Variants in ACTB observed in about 807,000 individuals in gnomAD.
The protein encoded by ACTB is actin beta, also known as actin, cytoplasmic 1.
In ACTB, 2 loss-of-function variants were observed where a neutral mutation model predicts 30.5. The observed-to-expected ratio is 0.07, with a 90% CI of 0.03 to 0.21. The LOEUF (loss-of-function observed/expected upper bound fraction) is 0.21. Ranked by LOEUF, ACTB falls within the 10% of genes least tolerant of loss-of-function variation. The probability of loss-of-function intolerance (pLI) is 1.00; values close to 1 mark genes in which losing one functional copy is unlikely to be tolerated. For synonymous variants in ACTB, 335 were observed against 217.6 expected, an observed-to-expected ratio of 1.54 and a Z score of -4.75; for missense variants, 56 against 530.0, an observed-to-expected ratio of 0.11 and a Z score of 8.78.
intron 3 of ACTB, 116 bp from the exon 4 acceptor site, chr7:5,528,835 T>C: frequency 1.4e-6 from 2 of 1,443,996 alleles, no homozygotes; most frequent in Middle Eastern, 1.8e-4. Flanking sequence ...GGTCTTGGGA[T>C]GGGGAGTCTG....
rs1468071211 is a variant in ACTB at position 5,529,074 on chromosome 7, A to G, written c.363+87T>C. The G allele has an allele frequency of 9.2e-5, 149 of 1,613,200 alleles. 1 individual carries two copies. Among genetic ancestry groups the G allele is most frequent in the South Asian group, 1.1e-5 (1 of 91,082 alleles). ...AGAAGAGAGTCCTACGGAAAACGGCAGAAGAGAGAACCAGTGAGAAAGGGC... is the reference window on the plus strand; with the variant it reads ...AGAAGAGAGTCCTACGGAAAACGGCGGAAGAGAGAACCAGTGAGAAAGGGC... On this transcript the variant is annotated intron_variant, in intron 3 of 5. Coordinates refer to ENST00000646664, the MANE Select transcript of ACTB (RefSeq NM_001101.5).
chr7:5,527,973 C>G lies in ACTB; in HGVS notation c.984+31G>C, dbSNP rs374997048. 4 of 1,613,166 alleles carry G rather than the reference C, an allele frequency of 2.5e-6. No individual in the cohort carries two copies. The Admixed American group carries it at 5.0e-5, about 20-fold the overall frequency. ...CCACAGGACCCCACAGCCGACCTGCCCAGGTCAGCTCAGGCAGGAAAGACA... is the reference window on the plus strand; with the variant it reads ...CCACAGGACCCCACAGCCGACCTGCGCAGGTCAGCTCAGGCAGGAAAGACA... On this transcript the variant is annotated intron_variant, in intron 5 of 5. Coordinates refer to ENST00000646664, the MANE Select transcript of ACTB (RefSeq NM_001101.5).
intron 1 of ACTB, 112 bp from the exon 2 acceptor site, chr7:5,529,775 A>T: frequency 6.5e-7 from 1 of 1,539,498 alleles, no homozygotes; most frequent in Non-Finnish European, 8.9e-7. Context: ...CAGATTGGGG[A>T]CAAAGGAAGC....
chr7:5,528,236 G>C, intron 4 of ACTB, 45 bp downstream of exon 4: 2 of 1,613,730 alleles, frequency 1.2e-6, no homozygotes. Flanking sequence ...AGCCCCGAGG[G>C]GTAACCCTCA....
chr7:5,528,024 G>GT lies in ACTB; in HGVS notation c.963dup (p.Pro322ThrfsTer13). ...CCCACCTTGATCTTCATTGTGCTGG[G>GT]TGCCAGGGCAGTGATCTCCTTCTGC... is the stretch of plus-strand genomic sequence containing the variant. On this transcript the variant is annotated frameshift_variant, in exon 5 of 6. Coordinates refer to ENST00000646664, the MANE Select transcript of ACTB (RefSeq NM_001101.5). LOFTEE classifies it high-confidence loss of function. 1 of 1,614,208 alleles carries GT rather than the reference G, an allele frequency of 6.2e-7. No homozygotes were observed. The highest frequency in any genetic ancestry group is 8.5e-7 in the Non-Finnish European group (1 of 1,180,036).
chr7:5,528,780 C>G, intron 3 of ACTB, 61 bp from the exon 4 acceptor site: 2 of 1,578,670 alleles, frequency 1.3e-6, no homozygotes, highest in South Asian at 1.1e-5. Flanking sequence ...CCAGGCCAGA[C>G]GGGGGACATG....
At position 5,527,470 on chromosome 7, in the gene ACTB, TC is replaced by T. The variant is rs1784788477; in HGVS notation, c.*277del. The stretch of plus-strand genomic sequence containing the variant: ...GTGGCTTTTAGGATGGCAAGGGACT[TC>T]CTGTAACAACGCATCTCATATTTGG... On this transcript the variant is annotated 3_prime_UTR_variant, in exon 6 of 6. Transcript: ENST00000646664. 1 of 533,852 alleles carries T rather than the reference TC, an allele frequency of 1.9e-6. No individual in the cohort carries two copies. 33.1% of individuals were successfully genotyped at this position (533,852 alleles called of 1,614,324 possible). A position where few individuals can be genotyped will look rare whatever the true frequency, so the allele number is the denominator to read the frequency against.
intron 1 of ACTB, 53 bp from the exon 2 acceptor site, chr7:5,529,716 C>T: frequency 7.5e-6 from 12 of 1,609,146 alleles, no homozygotes; most frequent in East Asian, 2.2e-5. Context: ...GCCCTGGCCA[C>T]TTCCGGCGCG....
chr7:5,528,876 C>T, intron 3 of ACTB, 157 bp from the exon 4 acceptor site: 1 of 1,388,074 alleles, frequency 7.2e-7, no homozygotes, highest in Non-Finnish European at 1.0e-6. Flanking sequence ...ACTTAATACA[C>T]ACTCCAAGGC....
intron 2 of ACTB, 39 bp downstream of exon 2, chr7:5,529,495 GC>G: frequency 6.2e-7 from 1 of 1,612,174 alleles, no homozygotes; most frequent in South Asian, 1.1e-5. Flanking sequence ...CTTGCCTCCC[GC>G]CCGCTCCCGG....
At position 5,528,417 on chromosome 7, in the gene ACTB, G is replaced by A. The variant is rs542398772; in HGVS notation, c.666C>T (p.Asp222=). 9 of 1,614,100 alleles carry A rather than the reference G, an allele frequency of 5.6e-6. No individual in the cohort carries two copies. Among genetic ancestry groups the A allele is most frequent in the African/African-American group, 1.3e-5 (1 of 75,056 alleles). The change falls in exon 4 of 6, where the codon GAC becomes GAT. Residue 222 remains aspartate (D), a synonymous_variant. Transcript: ENST00000646664. The part of the protein sequence containing the change: ...IKEKLCYVAL[D]FEQEMATAAS... ...CAGCCGTGGCCATCTCTTGCTCGAA[G>A]TCCAGGGCGACGTAGCACAGCTTCT...
In ACTB at chr7:5,529,483, C is replaced by G. The variant is rs1185990897; in HGVS notation, c.123+52G>C. The G allele has an allele frequency of 7.4e-6, 12 of 1,612,506 alleles. No homozygotes were observed. The Admixed American group carries it at 8.3e-5, about 11-fold the overall frequency. On this transcript the variant is annotated intron_variant, in intron 2 of 5. Coordinates refer to ENST00000646664, the MANE Select transcript of ACTB (RefSeq NM_001101.5). ...GGGAGGCTCCTGTGCAGAGAAAGCGCCCTTGCCTCCCGCCCGCTCCCGGGG... is the reference window on the plus strand; with the variant it reads ...GGGAGGCTCCTGTGCAGAGAAAGCGGCCTTGCCTCCCGCCCGCTCCCGGGG...
rs754862802 is a variant in ACTB at position 5,528,004 on chromosome 7, C to T, written c.984G>A (p.Lys328=). The T allele has an allele frequency of 6.8e-6, 11 of 1,614,042 alleles. No individual in the cohort carries two copies. The highest frequency in any genetic ancestry group is 1.3e-5 in the African/African-American group (1 of 74,930). The change falls in exon 5 of 6, where the codon AAG becomes AAA. Residue 328 remains lysine (K), a splice_region_variant and synonymous_variant. Transcript: ENST00000646664. ...CAGCTCAGGCAGGAAAGACACCCACCTTGATCTTCATTGTGCTGGGTGCCA... is the reference window on the plus strand; with the variant it reads ...CAGCTCAGGCAGGAAAGACACCCACTTTGATCTTCATTGTGCTGGGTGCCA... ...TALAPSTMKI[K]IIAPPERKYS... is the part of the protein sequence containing the mutation.
At position 5,527,635 on chromosome 7, in the gene ACTB, A is replaced by C. The variant is rs1338991392; in HGVS notation, c.*113T>G. On this transcript the variant is annotated 3_prime_UTR_variant, in exon 6 of 6. Transcript: ENST00000646664. ...TCCTGAGTCAAGCCAAAAAAAAAAAAAAAACCAAAACAAAACAAAAAAAAC... is the reference window on the plus strand; with the variant it reads ...TCCTGAGTCAAGCCAAAAAAAAAAACAAAACCAAAACAAAACAAAAAAAAC... 20 of 1,540,116 alleles carry C rather than the reference A, an allele frequency of 1.3e-5. No individual in the cohort carries two copies. The African/African-American group carries it at 1.5e-4, about 12-fold the overall frequency.
At position 5,528,341 on chromosome 7, in the gene ACTB, T is replaced by G; in HGVS notation, c.742A>C (p.Ile248Leu). ...KSYELPDGQV[I>L]TIGNERFRCP... ...CGGAACCGCTCATTGCCAATGGTGA[T>G]GACCTGGCCGTCAGGCAGCTCGTAG... Residue 248 changes from isoleucine to leucine, a missense_variant, in exon 4 of 6, where the codon ATC (isoleucine) becomes CTC (leucine). Physicochemically the swap from Ile to Leu is conservative, Grantham distance 5. Coordinates refer to ENST00000646664, the MANE Select transcript of ACTB (RefSeq NM_001101.5). 1 of 1,614,182 alleles carries G rather than the reference T, an allele frequency of 6.2e-7. No homozygotes were observed. Among genetic ancestry groups the G allele is most frequent in the Non-Finnish European group, 8.5e-7 (1 of 1,180,048 alleles).
Position 5,528,583 on chromosome 7 carries a change from T to TC in ACTB, c.499dup (p.Glu167GlyfsTer21). The TC allele has an allele frequency of 6.2e-7, 1 of 1,613,980 alleles. No homozygotes were observed. The highest frequency in any genetic ancestry group is 8.5e-7 in the Non-Finnish European group (1 of 1,180,034). On this transcript the variant is annotated frameshift_variant, in exon 4 of 6. Transcript: ENST00000646664. LOFTEE classifies it high-confidence loss of function. ...GATGGCATGGGGGAGGGCATACCCCTCGTAGATGGGCACAGTGTGGGTGAC... is the reference window on the plus strand; with the variant it reads ...GATGGCATGGGGGAGGGCATACCCCTCCGTAGATGGGCACAGTGTGGGTGAC...
chr7:5,529,200 G>A lies in ACTB; in HGVS notation c.324C>T (p.Ala108=), dbSNP rs746032511. 6.2e-6 allele frequency: 10 copies of A among 1,614,068 alleles called. No homozygotes were observed. In the Admixed American group the frequency reaches 8.3e-5, roughly 13 times the overall value. ...CGCGGTTGGCCTTGGGGTTCAGGGGGGCCTCGGTCAGCAGCACGGGGTGCT... is the reference window on the plus strand; with the variant it reads ...CGCGGTTGGCCTTGGGGTTCAGGGGAGCCTCGGTCAGCAGCACGGGGTGCT... ...PEEHPVLLTE[A]PLNPKANREK... is the part of the protein sequence containing the mutation. The change falls in exon 3 of 6, where the codon GCC becomes GCT. Residue 108 remains alanine (A), a synonymous_variant. Transcript: ENST00000646664.
Position 5,528,093 on chromosome 7 carries a change from G to A in ACTB, c.895C>T (p.Leu299=), listed in dbSNP as rs1784804149. ...IRKDLYANTV[L]SGGTTMYPGI... ...GGGTACATGGTGGTGCCGCCAGACAGCACTGTGTTGGCGTACAGGTCTTTG... is the reference window on the plus strand; with the variant it reads ...GGGTACATGGTGGTGCCGCCAGACAACACTGTGTTGGCGTACAGGTCTTTG... The change falls in exon 5 of 6, where the codon CTG becomes TTG. Residue 299 remains leucine (L), a synonymous_variant. Transcript: ENST00000646664. 5 of 1,614,138 alleles carry A rather than the reference G, an allele frequency of 3.1e-6. No individual in the cohort carries two copies. The highest frequency in any genetic ancestry group is 1.7e-5 in the Admixed American group (1 of 60,002).
rs1179569553 is a variant in ACTB, at chr7:5,527,340, G to A, written c.*408C>T. ...CAAAATAAAAAAGTATTAAGGCGAA[G>A]ATTAAAAAAATTTTGCATTACATAA... On this transcript the variant is annotated 3_prime_UTR_variant, in exon 6 of 6. Transcript: ENST00000646664. The A allele has an allele frequency of 1.1e-5, 3 of 267,364 alleles. No individual in the cohort carries two copies. Among genetic ancestry groups the A allele is most frequent in the East Asian group, 1.1e-4 (1 of 9,312 alleles). 16.6% of individuals were successfully genotyped at this position (267,364 alleles called of 1,614,324 possible). A position where few individuals can be genotyped will look rare whatever the true frequency, so the allele number is the denominator to read the frequency against.
Sources: gnomAD v4.1 joint callset for allele counts on GRCh38, gnomAD v4.1.1 for gene constraint, MANE v1.5 for transcripts, NCBI Gene and HGNC (gene_info 2026-07-23, HGNC 2026-07-21) for gene names.